The following SH3PXD2A variants were observed in gnomAD, a reference collection of about 807,000 sequenced individuals.
SH3PXD2A encodes SH3 and PX domains 2A.
A neutral mutation model predicts 115.2 loss-of-function variants in SH3PXD2A; 32 were observed. The observed-to-expected ratio is 0.28, with a 90% CI of 0.21 to 0.37. The LOEUF (loss-of-function observed/expected upper bound fraction) is 0.37, where lower values mean the gene tolerates loss of function less well. SH3PXD2A is among the 10% of genes least tolerant of loss of function. SH3PXD2A has a pLI of 1.00. For missense variants in SH3PXD2A, 1,328 were observed against 1,498.7 expected (o/e 0.89, Z 1.88); for synonymous variants, 610 against 629.1 (o/e 0.97, Z 0.45).
At chr10:103,693,764 G>A (rs1382567371) in intron 5 of SH3PXD2A, 1 of 152,300 alleles carries the variant, frequency 6.6e-6, no homozygotes, top group Non-Finnish European at 1.5e-5. Context: ...CTGGGGAGTC[G>A]GGGTGAGGAG....
Position 103,603,704 on chromosome 10 carries a change from C to A in SH3PXD2A, c.1514G>T (p.Arg505Leu), listed in dbSNP as rs779769042. ...GWAPASYIDK[R>L]KKPNLSRRTS... ...GCGGCGGCTCAGGTTGGGCTTCTTG[C>A]GCTTATCGATGTATGATGCGGGGGC... The change falls in exon 15 of 15, where the codon CGC becomes CTC. Residue 505 changes from arginine (R) to leucine (L), a missense_variant. Coordinates refer to ENST00000369774, the MANE Select transcript of SH3PXD2A (RefSeq NM_001394015.1). 3 of 1,610,236 alleles carry A rather than the reference C, an allele frequency of 1.9e-6. No individual in the cohort carries two copies. The highest frequency in any genetic ancestry group is 1.3e-5 in the African/African-American group (1 of 75,026).
intron 2 of SH3PXD2A, among the ~76,000 whole-genome samples, chr10:103,793,970 T>C (rs746740006): frequency 2.2e-4 from 33 of 152,338 alleles, no homozygotes; most frequent in Middle Eastern, 3.4e-3. Context: ...ACACAGTTTG[T>C]TACCTGCAAA....
In SH3PXD2A at chr10:103,847,364, A is replaced by C. The variant is rs573307956; in HGVS notation, c.72+7831T>G. ...GGTCTCACTCTGTCACCCAGGCTGG[A>C]GTGCAGTGGTGTGATCACGGTTTAC... On this transcript the variant is annotated intron_variant, in intron 1 of 14. Transcript: ENST00000369774. 2.6e-5 allele frequency among the ~76,000 whole-genome samples: 4 copies of C among 151,542 alleles called. No individual in the cohort carries two copies. In the South Asian group the frequency reaches 8.3e-4, roughly 32 times the overall value.
At chr10:103,681,942 G>T (rs1482812285) in intron 6 of SH3PXD2A, among the ~76,000 whole-genome samples, 1 of 152,128 alleles carries the variant, frequency 6.6e-6, no homozygotes, top group East Asian at 1.9e-4. Flanking sequence ...AGATACCTGG[G>T]CGTCACTCCA....
rs762523731 is a variant in SH3PXD2A at position 103,602,260 on chromosome 10, C to T, written c.2958G>A (p.Pro986=). The T allele has an allele frequency of 5.2e-5, 83 of 1,611,626 alleles. No homozygotes were observed. In the Admixed American group the frequency reaches 8.4e-4, roughly 16 times the overall value. Residue 986 remains proline, a synonymous_variant, in exon 15 of 15, where the codon CCG becomes CCA. Transcript: ENST00000369774. ...AGGACAGGTTGTTGTCCTTGGGTGG[C>T]GGGGACACAAACACCGACTGGGGCC... The part of the protein sequence containing the change: ...AVRPQSVFVS[P]PPKDNNLSCA...
chr10:103,616,532 C>A (rs1020139256), intron 11 of SH3PXD2A, among the ~76,000 whole-genome samples: 2 of 152,238 alleles, frequency 1.3e-5, no homozygotes, highest in Non-Finnish European at 2.9e-5. Context: ...GACCCCACTT[C>A]CCTACCCATA....
chr10:103,840,086 G>A (rs1409074996), intron 1 of SH3PXD2A, among the ~76,000 whole-genome samples: 1 of 152,248 alleles, frequency 6.6e-6, no homozygotes, highest in Non-Finnish European at 1.5e-5. Flanking sequence ...CAGAAATGAT[G>A]GCGCCAACAA....
At position 103,595,946 on chromosome 10, in the gene SH3PXD2A, A is replaced by G. The variant is rs1033460339; in HGVS notation, c.*5870T>C. 6.6e-6 allele frequency: 1 copy of G among 152,562 alleles called. No homozygotes were observed. Among genetic ancestry groups the G allele is most frequent in the Non-Finnish European group, 1.5e-5 (1 of 68,028 alleles). 9.5% of individuals were successfully genotyped at this position (152,562 alleles called of 1,614,324 possible). Reference sequence around the variant, plus strand: ...TGTGGGTCACTGATCCTGTCTTCTCACTGGCTCTGATCATGCAGCTTGGGA... The same window carrying G: ...TGTGGGTCACTGATCCTGTCTTCTCGCTGGCTCTGATCATGCAGCTTGGGA... On this transcript the variant is annotated 3_prime_UTR_variant, in exon 15 of 15. Coordinates refer to ENST00000369774, the MANE Select transcript of SH3PXD2A (RefSeq NM_001394015.1).
chr10:103,809,261 G>T (rs956949286), intron 1 of SH3PXD2A, among the ~76,000 whole-genome samples: 1 of 152,292 alleles, frequency 6.6e-6, no homozygotes, highest in Middle Eastern at 3.4e-3. Context: ...ACACACTCAC[G>T]GGTTGACTAT....
In SH3PXD2A at chr10:103,613,118, C is replaced by A; in HGVS notation, c.993G>T (p.Lys331Asn). 6.2e-7 allele frequency: 1 copy of A among 1,614,004 alleles called. No individual in the cohort carries two copies. Among genetic ancestry groups the A allele is most frequent in the Non-Finnish European group, 8.5e-7 (1 of 1,179,954 alleles). Reference sequence around the variant, plus strand: ...TCTCCACTGGGCCGGCCAGGTTCTTCTTCCGGGTTGGCAGGTCATCCTTGG... The same window carrying A: ...TCTCCACTGGGCCGGCCAGGTTCTTATTCCGGGTTGGCAGGTCATCCTTGG... ...KKAKDDLPTRKKNLAGPVEII... is the reference protein window; with the variant it reads ...KKAKDDLPTRNKNLAGPVEII... The change falls in exon 12 of 15, where the codon AAG (lysine) becomes AAT (asparagine). Residue 331 changes from lysine (K) to asparagine (N), a missense_variant. By Grantham distance (94) the Lys-to-Asn change is moderately conservative. Coordinates refer to ENST00000369774, the MANE Select transcript of SH3PXD2A (RefSeq NM_001394015.1).
In SH3PXD2A at chr10:103,602,535, C is replaced by T. The variant is rs758001725; in HGVS notation, c.2683G>A (p.Val895Met). The T allele has an allele frequency of 8.1e-6, 13 of 1,614,070 alleles. No homozygotes were observed. In the South Asian group the frequency reaches 1.3e-4, roughly 16 times the overall value. ...LEGWAPSHYL[V>M]LDENEQPDPS... is the part of the protein sequence containing the mutation. ...TCAGGTTGCTCGTTCTCATCCAGCACCAAATAGTGGGAAGGGGCCCAGCCC... is the reference window on the plus strand; with the variant it reads ...TCAGGTTGCTCGTTCTCATCCAGCATCAAATAGTGGGAAGGGGCCCAGCCC... The change falls in exon 15 of 15, where the codon GTG (valine) becomes ATG (methionine). Residue 895 changes from valine (V) to methionine (M), a missense_variant. By Grantham distance (21) the Val-to-Met change is conservative. Around this residue, in one of 5 missense-constraint regions of SH3PXD2A, gnomAD observed 574 missense variants for 565.7 expected, o/e 1.01. Coordinates refer to ENST00000369774, the MANE Select transcript of SH3PXD2A (RefSeq NM_001394015.1).
Position 103,601,910 on chromosome 10 carries a change from C to T in SH3PXD2A, c.3308G>A (p.Arg1103Lys). The stretch of plus-strand genomic sequence containing the variant: ...GCAGTACCACCAGCCATTAGGGTTC[C>T]TCTCCAGAACCTCCATGGACACCCC... ...QEGVSMEVLE[R>K]NPNGWWYCQI... The change falls in exon 15 of 15, where the codon AGG (arginine) becomes AAG (lysine). Residue 1103 changes from arginine to lysine, a missense_variant. Transcript: ENST00000369774. The T allele has an allele frequency of 6.2e-7, 1 of 1,614,014 alleles. No individual in the cohort carries two copies. The highest frequency in any genetic ancestry group is 8.5e-7 in the Non-Finnish European group (1 of 1,179,936).
intron 5 of SH3PXD2A, among the ~76,000 whole-genome samples, chr10:103,694,582 C>T (rs1021545829): frequency 6.6e-6 from 1 of 152,178 alleles, no homozygotes; most frequent in African/African-American, 2.4e-5. Context: ...CTTCCTTCCC[C>T]ATCTTGTTTG....
At chr10:103,780,873 C>T (rs1332965948) in intron 2 of SH3PXD2A, among the ~76,000 whole-genome samples, 1 of 152,228 alleles carries the variant, frequency 6.6e-6, no homozygotes, top group Non-Finnish European at 1.5e-5. Flanking sequence ...TTCGGCTTCA[C>T]ACCCTTTGTT....
rs1180326688 is a variant in SH3PXD2A at position 103,756,142 on chromosome 10, G to A, written c.229+10952C>T. ...GGACATCAGTCCTGGGAACTGTGGA[G>A]GTGAAGGGGGAGGAGGTATTTTCAG... On this transcript the variant is annotated intron_variant, in intron 3 of 14. Transcript: ENST00000369774. This position sits in a 1 kb window ranked among gnomAD's most constrained non-coding sequence, Gnocchi z 4.4. Among the ~76,000 whole-genome samples, 1 of 152,208 alleles carries A rather than the reference G, an allele frequency of 6.6e-6. No homozygotes were observed. Among genetic ancestry groups the A allele is most frequent in the Non-Finnish European group, 1.5e-5 (1 of 68,034 alleles).
intron 5 of SH3PXD2A, among the ~76,000 whole-genome samples, chr10:103,711,792 C>T (rs140095679): frequency 2.7e-4 from 41 of 152,348 alleles, no homozygotes; most frequent in African/African-American, 9.4e-4. Context: ...TGGCAGCTCA[C>T]ACCTCTAATC....
At chr10:103,734,582 C>G (rs886136399) in intron 4 of SH3PXD2A, among the ~76,000 whole-genome samples, 1 of 152,116 alleles carries the variant, frequency 6.6e-6, no homozygotes, top group African/African-American at 2.4e-5. Context: ...AACCACGTCT[C>G]TACTAAAAAT....
intron 13 of SH3PXD2A, among the ~76,000 whole-genome samples, chr10:103,608,150 T>TAAA (rs1554903074): frequency 1.5e-4 from 5 of 32,636 alleles, no homozygotes; most frequent in Admixed American, 4.1e-4. Flanking sequence ...ATGATCAATT[T>TAAA]AAAAAAAAAA....
intron 1 of SH3PXD2A, among the ~76,000 whole-genome samples, chr10:103,834,897 A>G (rs1446968843): frequency 1.3e-5 from 2 of 152,272 alleles, no homozygotes; most frequent in East Asian, 1.9e-4. Context: ...GTCAGTAGAC[A>G]GCTGAACCAA....
Sources: gnomAD v4.1 joint callset for allele counts (sites outside exome capture counted in the v4.1 genomes callset) on GRCh38, gnomAD v4.1.1 for gene constraint, gnomAD v4.1.1 regional missense constraint, Gnocchi (gnomAD v3.1) non-coding constraint, MANE v1.5 for transcripts, NCBI Gene and HGNC (gene_info 2026-07-23, HGNC 2026-07-21) for gene names.